MRTFA: variants seen among roughly 807,000 people sequenced by gnomAD.
The protein encoded by MRTFA is myocardin-related transcription factor A.
Under a neutral mutation model 83.5 loss-of-function variants are expected in MRTFA, and 20 were observed. The observed-to-expected ratio is 0.24, with a 90% confidence interval of 0.17 to 0.35. The LOEUF is 0.35. MRTFA is among the 10% of genes least tolerant of loss of function. MRTFA has a pLI of 1.00. For synonymous variants in MRTFA, 659 were observed against 541.2 expected (o/e 1.22, Z -3.02); for missense variants, 1,200 against 1,224.7 (o/e 0.98, Z 0.30).
chr22:40,507,360 CAAAAAGAAAAA>C, intron 3 of MRTFA, among the ~76,000 whole-genome samples: 1 of 148,116 alleles, frequency 6.8e-6, no homozygotes, highest in South Asian at 2.1e-4. Context: ...GACCCTATGT[CAAAAAGAAAAA>C]AAAAAGAAAC....
chr22:40,520,015 C>T (rs905406274), intron 3 of MRTFA, among the ~76,000 whole-genome samples: 1 of 152,166 alleles, frequency 6.6e-6, no homozygotes, highest in African/African-American at 2.4e-5. Context: ...AGCGTTCTGA[C>T]AATTGCATAT....
chr22:40,429,273 T>A (rs2053018962), intron 7 of MRTFA: 2 of 599,034 alleles, frequency 3.3e-6, no homozygotes, highest in Admixed American at 5.9e-5. Flanking sequence ...ATTCCTGGCA[T>A]CTCCACATGT....
At chr22:40,544,069 T>A (rs1254471068) in intron 3 of MRTFA, among the ~76,000 whole-genome samples, 2 of 152,068 alleles carry the variant, frequency 1.3e-5, no homozygotes, top group African/African-American at 2.4e-5. Flanking sequence ...TGTTGATTAG[T>A]GGGGAAAGAA....
Position 40,517,511 on chromosome 22 carries a change from T to C in MRTFA, c.241+34595A>G, listed in dbSNP as rs140311440. On this transcript the variant is annotated intron_variant, in intron 3 of 14. Coordinates refer to ENST00000355630, the MANE Select transcript of MRTFA (RefSeq NM_020831.6). The stretch of plus-strand genomic sequence containing the variant: ...AACCCAGGCCAGCTGGGTACAATCT[T>C]AGCCGTAAAATGGGATAAGAGCACC... Among the ~76,000 whole-genome samples the C allele has an allele frequency of 3.8e-3, 586 of 152,278 alleles. 3 individuals are homozygous for C. Among genetic ancestry groups the C allele is most frequent in the Non-Finnish European group, 5.8e-3 (393 of 68,020 alleles).
intron 4 of MRTFA, among the ~76,000 whole-genome samples, chr22:40,463,012 AAC>A (rs1018148165): frequency 2.0e-5 from 3 of 152,242 alleles, no homozygotes; most frequent in African/African-American, 7.2e-5. Flanking sequence ...TGACCCTTTA[AAC>A]ACAGTTTGTT....
rs575131561 is a variant in MRTFA, at chr22:40,624,476, A to G, written c.-84+12002T>C. Among the ~76,000 whole-genome samples the G allele has an allele frequency of 7.2e-5, 11 of 152,228 alleles. No homozygotes were observed. In the South Asian group the frequency reaches 2.3e-3, roughly 32 times the overall value. ...AAAAGATTAATTCCCTTGTTGTCTA[A>G]GATCACTGAGCTAGTGAGCAATAGA... On this transcript the variant is annotated intron_variant, in intron 1 of 14. Transcript: ENST00000355630.
In MRTFA at chr22:40,417,526, C is replaced by T. The variant is rs1375017733; in HGVS notation, c.2365-33G>A. 5 of 1,410,436 alleles carry T rather than the reference C, an allele frequency of 3.5e-6. No individual in the cohort carries two copies. In the Admixed American group the frequency reaches 1.2e-4, roughly 35 times the overall value. 87.4% of individuals were successfully genotyped at this position (1,410,436 alleles called of 1,614,324 possible). ...GGAGAGCAGGGAGAGGACCAGTGGC[C>T]AGGGGGCTGGGGGTGCAGACCTGCC... On this transcript the variant is annotated intron_variant, in intron 12 of 14. Transcript: ENST00000355630.
intron 11 of MRTFA, 63 bp downstream of exon 11, chr22:40,420,342 C>A: frequency 6.4e-7 from 1 of 1,557,554 alleles, no homozygotes; most frequent in Non-Finnish European, 8.7e-7. Flanking sequence ...AAACCAGCAC[C>A]CAGACAGCCC....
intron 5 of MRTFA, among the ~76,000 whole-genome samples, chr22:40,434,705 G>C (rs965961202): frequency 2.6e-5 from 4 of 152,234 alleles, no homozygotes; most frequent in African/African-American, 9.6e-5. Flanking sequence ...CTGGGTGACA[G>C]AGTGAGACTC....
At chr22:40,592,175 T>A (rs2056129830) in intron 2 of MRTFA, among the ~76,000 whole-genome samples, 1 of 140,944 alleles carries the variant, frequency 7.1e-6, no homozygotes, top group African/African-American at 2.7e-5. Context: ...TGCCTGTAAA[T>A]CCCAACACTT....
At chr22:40,477,013 C>G (rs981585854) in intron 3 of MRTFA, among the ~76,000 whole-genome samples, 1 of 151,748 alleles carries the variant, frequency 6.6e-6, no homozygotes, top group African/African-American at 2.4e-5. Context: ...ATATTAGTTC[C>G]AAATAAATGC....
intron 1 of MRTFA, among the ~76,000 whole-genome samples, chr22:40,595,983 A>G (rs1036274132): frequency 2.1e-5 from 3 of 142,550 alleles, no homozygotes; most frequent in African/African-American, 7.9e-5. Flanking sequence ...TAATTCTCCC[A>G]TCTCCCTGGC....
intron 1 of MRTFA, among the ~76,000 whole-genome samples, chr22:40,632,581 G>A (rs559251444): frequency 5.3e-5 from 8 of 152,200 alleles, no homozygotes; most frequent in Admixed American, 2.6e-4. Context: ...GACTACAGGC[G>A]TGCATCACCA....
chr22:40,585,627 C>A (rs1431457570), intron 2 of MRTFA, among the ~76,000 whole-genome samples: 1 of 152,114 alleles, frequency 6.6e-6, no homozygotes, highest in Non-Finnish European at 1.5e-5. Flanking sequence ...GTGAAGACAA[C>A]ATGACCAGAA....
intron 3 of MRTFA, among the ~76,000 whole-genome samples, chr22:40,496,496 G>A (rs1033321360): frequency 2.0e-5 from 3 of 148,994 alleles, no homozygotes; most frequent in African/African-American, 7.5e-5. Flanking sequence ...TTTATAATAA[G>A]CCAAAAATCT....
At chr22:40,558,066 C>T (rs549790416) in intron 2 of MRTFA, among the ~76,000 whole-genome samples, 3 of 151,332 alleles carry the variant, frequency 2.0e-5, no homozygotes, top group Non-Finnish European at 4.4e-5. Flanking sequence ...GAGAGCTCAC[C>T]GAGTCCAGCC....
intron 3 of MRTFA, among the ~76,000 whole-genome samples, chr22:40,478,103 C>T (rs1044380489): frequency 7.2e-5 from 11 of 152,046 alleles, no homozygotes; most frequent in Non-Finnish European, 1.2e-4. Flanking sequence ...AAACGAGCTG[C>T]TGAAATTCTT....
At chr22:40,524,322 A>AT (rs775701840) in intron 3 of MRTFA, among the ~76,000 whole-genome samples, 1 of 152,212 alleles carries the variant, frequency 6.6e-6, no homozygotes, top group Non-Finnish European at 1.5e-5. Context: ...CAAAAAAATA[A>AT]TTAAAACATT....
Position 40,440,906 on chromosome 22 carries a change from G to C in MRTFA, c.308-5352C>G, listed in dbSNP as rs144841924. On this transcript the variant is annotated intron_variant, in intron 4 of 14. Transcript: ENST00000355630. The stretch of plus-strand genomic sequence containing the variant: ...CAATTGAAGAAAAAAAGGACTTAAA[G>C]TTACCCCATAAATGTGTGTCCAACT... 2.9e-3 allele frequency among the ~76,000 whole-genome samples: 443 copies of C among 152,214 alleles called. 3 individuals are homozygous for C. The highest frequency in any genetic ancestry group is 0.01 in the African/African-American group (424 of 41,516).
Sources: gnomAD v4.1 joint callset for allele counts (sites outside exome capture counted in the v4.1 genomes callset) on GRCh38, gnomAD v4.1.1 for gene constraint, MANE v1.5 for transcripts, NCBI Gene and HGNC (gene_info 2026-07-23, HGNC 2026-07-21) for gene names.